The following PLEKHB2 variants were observed in gnomAD, a reference collection of about 807,000 sequenced individuals.
The protein encoded by PLEKHB2 is pleckstrin homology domain-containing family B member 2.
PLEKHB2 carries 31 observed loss-of-function variants against 36.5 expected under a neutral mutation model. The observed-to-expected ratio is 0.85, with a 90% CI of 0.64 to 1.15. The LOEUF (loss-of-function observed/expected upper bound fraction) is 1.15. Ranked by LOEUF, PLEKHB2 falls within the 50% of genes most tolerant of loss-of-function variation. PLEKHB2 has a pLI of 0.00. For missense variants in PLEKHB2, 262 were observed against 295.3 expected (o/e 0.89, Z 0.83); for synonymous variants, 119 against 112.0 (o/e 1.06, Z -0.39).
rs968938513 is a variant in PLEKHB2, at chr2:131,149,594, G to A, written c.*2821G>A. ...TGGATCATAAGAAGGTCCTGCAGTT[G>A]AGACAAAATGACCCAAGTGTATTTT... On this transcript the variant is annotated 3_prime_UTR_variant, in exon 8 of 8. Coordinates refer to ENST00000693505, the MANE Select transcript of PLEKHB2 (RefSeq NM_001100623.2). 1 of 152,212 alleles carries A rather than the reference G, an allele frequency of 6.6e-6. No homozygotes were observed. Among genetic ancestry groups the A allele is most frequent in the African/African-American group, 2.4e-5 (1 of 41,440 alleles). The allele number at this position is 152,212 out of a possible 1,614,324, so 9.4% of individuals were successfully genotyped here.
intron 1 of PLEKHB2, 128 bp from the exon 2 acceptor site, chr2:131,120,806 G>A (rs757699223): frequency 2.4e-6 from 2 of 829,074 alleles, no homozygotes; most frequent in Non-Finnish European, 4.1e-6. Context: ...TGCCAGGGGG[G>A]CACTGAGCTA....
chr2:131,109,383 G>C (rs949040281), intron 1 of PLEKHB2, among the ~76,000 whole-genome samples: 1 of 152,176 alleles, frequency 6.6e-6, no homozygotes, highest in East Asian at 1.9e-4. Context: ...AATAATACAT[G>C]TACATAGATT....
At chr2:131,127,029 G>T in intron 4 of PLEKHB2, 1 of 411,248 alleles carries the variant, frequency 2.4e-6, no homozygotes. Context: ...TCATCATGCT[G>T]TCTTTCATTA....
intron 2 of PLEKHB2, among the ~76,000 whole-genome samples, chr2:131,123,373 C>T (rs755348513): frequency 1.7e-4 from 26 of 152,188 alleles, no homozygotes; most frequent in Non-Finnish European, 3.5e-4. Context: ...CTGCCATTGC[C>T]ACATGTACTG....
intron 1 of PLEKHB2, among the ~76,000 whole-genome samples, chr2:131,115,126 C>A (rs1695728165): frequency 6.6e-6 from 1 of 152,128 alleles, no homozygotes. Context: ...TCATGTCTTA[C>A]ATGGTGGCAG....
chr2:131,130,536 A>G (rs72982495), intron 4 of PLEKHB2, among the ~76,000 whole-genome samples, 185 bp from the exon 5 acceptor site: 2 of 152,216 alleles, frequency 1.3e-5, no homozygotes, highest in African/African-American at 2.4e-5. Context: ...TAAATATTAC[A>G]TATCTATTAT....
At chr2:131,117,456 CAGA>C (rs951843565) in intron 1 of PLEKHB2, among the ~76,000 whole-genome samples, 3 of 152,250 alleles carry the variant, frequency 2.0e-5, no homozygotes, top group African/African-American at 7.2e-5. Flanking sequence ...AAATTGACCA[CAGA>C]AGTTCAGGAG....
chr2:131,147,433 A>G lies in PLEKHB2; in HGVS notation c.*660A>G, dbSNP rs766208673. The G allele has an allele frequency of 6.6e-6, 1 of 152,268 alleles. No homozygotes were observed. The highest frequency in any genetic ancestry group is 1.5e-5 in the Non-Finnish European group (1 of 68,064). The allele number at this position is 152,268 out of a possible 1,614,324, so 9.4% of individuals were successfully genotyped here. ...TTATTCTTGTATGGCTTTGGTAGGCATACTTGGAGAACATATCCCACATTA... is the reference window on the plus strand; with the variant it reads ...TTATTCTTGTATGGCTTTGGTAGGCGTACTTGGAGAACATATCCCACATTA... On this transcript the variant is annotated 3_prime_UTR_variant, in exon 8 of 8. Coordinates refer to ENST00000693505, the MANE Select transcript of PLEKHB2 (RefSeq NM_001100623.2).
At chr2:131,108,793 G>A (rs1694985249) in intron 1 of PLEKHB2, among the ~76,000 whole-genome samples, 1 of 152,198 alleles carries the variant, frequency 6.6e-6, no homozygotes, top group African/African-American at 2.4e-5. Flanking sequence ...AATAATAGTA[G>A]TAAATAGTAA....
chr2:131,132,858 T>A (rs768634411), intron 5 of PLEKHB2, 44 bp from the exon 6 acceptor site: 4 of 1,108,866 alleles, frequency 3.6e-6, no homozygotes, highest in Non-Finnish European at 5.5e-6. Context: ...AGCACACAGC[T>A]GCTGGGAAGC....
At chr2:131,132,820 T>C in intron 5 of PLEKHB2, 82 bp from the exon 6 acceptor site, 1 of 757,708 alleles carries the variant, frequency 1.3e-6, no homozygotes, top group Non-Finnish European at 2.3e-6. Context: ...TTTAATTTGC[T>C]AAATAAAAGG....
At chr2:131,144,543 T>A (rs917741440) in intron 7 of PLEKHB2, 3 of 468,210 alleles carry the variant, frequency 6.4e-6, no homozygotes, top group African/African-American at 6.0e-5. Context: ...TTGATGGTAA[T>A]TTGTAAAAGT....
chr2:131,145,642 C>T (rs1309364364), intron 7 of PLEKHB2, among the ~76,000 whole-genome samples: 2 of 152,136 alleles, frequency 1.3e-5, no homozygotes, highest in African/African-American at 2.4e-5. Flanking sequence ...GCCAGCCAGC[C>T]TTTGAACCAT....
chr2:131,121,613 G>C (rs892093640), intron 2 of PLEKHB2, among the ~76,000 whole-genome samples: 2 of 152,122 alleles, frequency 1.3e-5, no homozygotes, highest in African/African-American at 4.8e-5. Context: ...TGAGATACTG[G>C]AACAGAGGTG....
At chr2:131,109,595 C>T (rs1695080100) in intron 1 of PLEKHB2, among the ~76,000 whole-genome samples, 1 of 152,090 alleles carries the variant, frequency 6.6e-6, no homozygotes, top group Non-Finnish European at 1.5e-5. Context: ...GAGGCTGAGG[C>T]AGGAGAATCG....
intron 6 of PLEKHB2, among the ~76,000 whole-genome samples, chr2:131,134,289 C>T (rs1040497864): frequency 6.6e-6 from 1 of 151,762 alleles, no homozygotes; most frequent in South Asian, 2.1e-4. Context: ...CGGGTTCAAG[C>T]GGTTCTCCTG....
chr2:131,114,002 C>G (rs948628926), intron 1 of PLEKHB2, among the ~76,000 whole-genome samples: 1 of 152,116 alleles, frequency 6.6e-6, no homozygotes, highest in Non-Finnish European at 1.5e-5. Flanking sequence ...TAGCACATAA[C>G]AAAGTAGAGG....
intron 6 of PLEKHB2, among the ~76,000 whole-genome samples, chr2:131,139,300 C>G (rs1032550890): frequency 1.3e-5 from 2 of 152,086 alleles, no homozygotes; most frequent in African/African-American, 4.8e-5. Context: ...CTTCAGTCTT[C>G]TTGTGTTTGC....
Position 131,117,461 on chromosome 2 carries a change from G to GTT in PLEKHB2, c.-8-3472_-8-3471dup, listed in dbSNP as rs1696006108. 4.6e-5 allele frequency among the ~76,000 whole-genome samples: 7 copies of GTT among 152,224 alleles called. No individual in the cohort carries two copies. In the South Asian group the frequency reaches 1.2e-3, roughly 27 times the overall value. On this transcript the variant is annotated intron_variant, in intron 1 of 7. Transcript: ENST00000693505. ...AAATGTAAAGAAATTGACCACAGAA[G>GTT]TTCAGGAGACTCCTGTTACTCCACG...
Sources: gnomAD v4.1 joint callset for allele counts (sites outside exome capture counted in the v4.1 genomes callset) on GRCh38, gnomAD v4.1.1 for gene constraint, MANE v1.5 for transcripts, NCBI Gene and HGNC (gene_info 2026-07-23, HGNC 2026-07-21) for gene names.